The following AKAP11 variants were observed in gnomAD, a reference collection of about 807,000 sequenced individuals.
AKAP11 encodes A-kinase anchor protein 11.
In AKAP11, 36 loss-of-function variants were observed where a neutral mutation model predicts 146.1. That is an observed-to-expected ratio of 0.25 (90% CI 0.19 to 0.33). The LOEUF is 0.33. AKAP11 is among the 10% of genes least tolerant of loss of function. The pLI is 1.00. For synonymous variants in AKAP11, 780 were observed against 786.5 expected (o/e 0.99, Z 0.14); for missense variants, 2,201 against 2,197.0 (o/e 1.00, Z -0.04).
chr13:42,286,268 A>G, intron 2 of AKAP11, 32 bp from the exon 3 acceptor site: 1 of 875,946 alleles, frequency 1.1e-6, no homozygotes. Flanking sequence ...GTTAAGATCA[A>G]TAAATAAGTT....
rs1297133961 is a variant in AKAP11 at position 42,299,968 on chromosome 13, C to T, written c.1222C>T (p.Leu408Phe). Residue 408 changes from leucine to phenylalanine, a missense_variant, in exon 8 of 13, where the codon CTC becomes TTC. Coordinates refer to ENST00000025301, the MANE Select transcript of AKAP11 (RefSeq NM_016248.4). ...AAAATTCAAGTTTGATCGTCCAGCT[C>T]TCCCAGCTAATGTTAGAAAGCCAAC... ...PQKFKFDRPA[L>F]PANVRKPTPR... 6.2e-7 allele frequency: 1 copy of T among 1,613,996 alleles called. No homozygotes were observed. Among genetic ancestry groups the T allele is most frequent in the Non-Finnish European group, 8.5e-7 (1 of 1,179,876 alleles).
chr13:42,296,959 C>G, intron 5 of AKAP11, 89 bp from the exon 6 acceptor site: 6 of 1,182,048 alleles, frequency 5.1e-6, no homozygotes, highest in Non-Finnish European at 7.0e-6. Context: ...GCCAGTAGAC[C>G]TTAAAATTTT....
intron 9 of AKAP11, among the ~76,000 whole-genome samples, chr13:42,311,787 ATTTTC>A (rs1239950887): frequency 6.6e-6 from 1 of 151,548 alleles, no homozygotes; most frequent in African/African-American, 2.4e-5. Context: ...TTGTTTGTAT[ATTTTC>A]TTATTTTTAG....
chr13:42,307,301 A>G (rs1037115503), intron 8 of AKAP11, among the ~76,000 whole-genome samples: 2 of 152,210 alleles, frequency 1.3e-5, no homozygotes, highest in Admixed American at 1.3e-4. Flanking sequence ...TACGGAAGTA[A>G]GTAAAACAGG....
intron 11 of AKAP11, among the ~76,000 whole-genome samples, chr13:42,314,170 C>T (rs1176897384): frequency 2.0e-5 from 3 of 152,136 alleles, no homozygotes; most frequent in Admixed American, 6.5e-5. Flanking sequence ...ACTGGGCAGG[C>T]ACGGTGGCTT....
Position 42,303,736 on chromosome 13 carries a change from C to T in AKAP11, c.4990C>T (p.Arg1664Ter). 3 of 1,614,058 alleles carry T rather than the reference C, an allele frequency of 1.9e-6. No individual in the cohort carries two copies. The highest frequency in any genetic ancestry group is 1.7e-6 in the Non-Finnish European group (2 of 1,179,992). ...TGCTGAAGCCATTGAAAAAGCTGAG[C>T]GAGAGCTGAGCAGTACCAGCCTGGC... ...IVAEAIEKAE[R>*]ELSSTSLAAD... Residue 1664 changes from arginine to a stop codon, truncating the protein, a stop_gained, in exon 8 of 13, where the codon CGA becomes TGA. Transcript: ENST00000025301. LOFTEE classifies it high-confidence loss of function.
intron 1 of AKAP11, among the ~76,000 whole-genome samples, chr13:42,284,886 T>G (rs1158855216): frequency 6.6e-6 from 1 of 152,208 alleles, no homozygotes; most frequent in East Asian, 1.9e-4. Context: ...TGCTGCTGCT[T>G]CAATTTCAGT....
intron 1 of AKAP11, among the ~76,000 whole-genome samples, chr13:42,273,821 TACTG>T (rs1958843655): frequency 6.6e-6 from 1 of 152,206 alleles, no homozygotes. Context: ...TTTAGGAACT[TACTG>T]TCTGGAAAAG....
At chr13:42,313,519 A>G (rs117444649) in intron 10 of AKAP11, among the ~76,000 whole-genome samples, 2 of 152,216 alleles carry the variant, frequency 1.3e-5, no homozygotes, top group African/African-American at 4.8e-5. Flanking sequence ...TATTAAAAAT[A>G]TATATAAATT....
Position 42,303,409 on chromosome 13 carries a change from A to G in AKAP11, c.4663A>G (p.Thr1555Ala), listed in dbSNP as rs1349399637. The G allele has an allele frequency of 6.2e-7, 1 of 1,613,864 alleles. No homozygotes were observed. Among genetic ancestry groups the G allele is most frequent in the African/African-American group, 1.3e-5 (1 of 74,910 alleles). ...AGTAGTGGATGACACTCTAGAGCTAACTCTAGGATCTACAGTGTTCCGAGT... is the reference window on the plus strand; with the variant it reads ...AGTAGTGGATGACACTCTAGAGCTAGCTCTAGGATCTACAGTGTTCCGAGT... ...KKVVDDTLEL[T>A]LGSTVFRVSE... Residue 1555 changes from threonine to alanine, a missense_variant, in exon 8 of 13, where the codon ACT becomes GCT. Physicochemically the swap from Thr to Ala is moderately conservative, Grantham distance 58. This residue lies in a region of AKAP11 where 1,867 missense variants were observed against 1,833.5 expected (regional missense o/e 1.02). Transcript: ENST00000025301.
In AKAP11 at chr13:42,317,623, A is replaced by C; in HGVS notation, c.5500A>C (p.Ile1834Leu). 1 of 1,614,148 alleles carries C rather than the reference A, an allele frequency of 6.2e-7. No homozygotes were observed. Among genetic ancestry groups the C allele is most frequent in the East Asian group, 2.2e-5 (1 of 44,886 alleles). The part of the protein sequence containing the change: ...PQLRIILQWL[I>L]ASEAEVAELY... ...GCTAAGGATTATTCTTCAGTGGCTC[A>C]TTGCCTCTGAGGCTGAAGTTGCAGA... The change falls in exon 12 of 13, where the codon ATT (isoleucine) becomes CTT (leucine). Residue 1834 changes from isoleucine (I) to leucine (L), a missense_variant. This residue lies in a region of AKAP11 where 1,867 missense variants were observed against 1,833.5 expected (regional missense o/e 1.02). Transcript: ENST00000025301.
intron 1 of AKAP11, among the ~76,000 whole-genome samples, chr13:42,274,298 A>G (rs1402543825): frequency 6.6e-6 from 1 of 152,120 alleles, no homozygotes; most frequent in Non-Finnish European, 1.5e-5. Flanking sequence ...TGGGGAAGAG[A>G]AAGAAAAATG....
Position 42,317,127 on chromosome 13 carries a change from G to A in AKAP11, c.5405-401G>A, listed in dbSNP as rs149471127. On this transcript the variant is annotated intron_variant, in intron 11 of 12. Coordinates refer to ENST00000025301, the MANE Select transcript of AKAP11 (RefSeq NM_016248.4). ...TCTTGGCCTCAAGCGATCTGCCCACGTCGGCCTCCCAGAGTGCTGGGATTA... is the reference window on the plus strand; with the variant it reads ...TCTTGGCCTCAAGCGATCTGCCCACATCGGCCTCCCAGAGTGCTGGGATTA... 9.6e-3 allele frequency among the ~76,000 whole-genome samples: 1,463 copies of A among 152,168 alleles called. 13 individuals carry two copies. The highest frequency in any genetic ancestry group is 0.035 in the South Asian group (168 of 4,818).
Position 42,301,615 on chromosome 13 carries a change from G to T in AKAP11, c.2869G>T (p.Val957Leu). 3.1e-6 allele frequency: 5 copies of T among 1,614,080 alleles called. No individual in the cohort carries two copies. Among genetic ancestry groups the T allele is most frequent in the Non-Finnish European group, 4.2e-6 (5 of 1,179,980 alleles). The stretch of plus-strand genomic sequence containing the variant: ...ACATTCCATAGATAAGAGCAAATCA[G>T]TGATCCCAAATATAGATAAAAATGC... ...IKHSIDKSKSVIPNIDKNAVY... is the reference protein window; with the variant it reads ...IKHSIDKSKSLIPNIDKNAVY... The change falls in exon 8 of 13, where the codon GTG becomes TTG. Residue 957 changes from valine to leucine, a missense_variant. Physicochemically the swap from Val to Leu is conservative, Grantham distance 32 (BLOSUM62 1). Coordinates refer to ENST00000025301, the MANE Select transcript of AKAP11 (RefSeq NM_016248.4).
intron 1 of AKAP11, among the ~76,000 whole-genome samples, chr13:42,280,570 G>A (rs1959037336): frequency 6.6e-6 from 1 of 152,138 alleles, no homozygotes; most frequent in Non-Finnish European, 1.5e-5. Flanking sequence ...TATTAGTTCA[G>A]CAGATGTTTG....
At chr13:42,285,031 T>TTATCTGC (rs1566258362) in intron 1 of AKAP11, among the ~76,000 whole-genome samples, 1 of 152,264 alleles carries the variant, frequency 6.6e-6, no homozygotes, top group Non-Finnish European at 1.5e-5. Flanking sequence ...GCACTCACGC[T>TTATCTGC]ATAGTCTTAT....
In AKAP11 at chr13:42,302,463, A is replaced by G. The variant is rs751914523; in HGVS notation, c.3717A>G (p.Arg1239=). Reference sequence around the variant, plus strand: ...CTTGCTTAAATGTGCAAAGTCAAAGAAGTGTGTCGCCTACTTTTTTAAACC... The same window carrying G: ...CTTGCTTAAATGTGCAAAGTCAAAGGAGTGTGTCGCCTACTTTTTTAAACC... ...KNPCLNVQSQ[R]SVSPTFLNPS... is the part of the protein sequence containing the mutation. Residue 1239 remains arginine, a synonymous_variant, in exon 8 of 13, where the codon AGA becomes AGG. Coordinates refer to ENST00000025301, the MANE Select transcript of AKAP11 (RefSeq NM_016248.4). 6.2e-7 allele frequency: 1 copy of G among 1,614,190 alleles called. No homozygotes were observed. The highest frequency in any genetic ancestry group is 1.7e-5 in the Admixed American group (1 of 60,028).
intron 2 of AKAP11, 123 bp downstream of exon 2, chr13:42,286,158 A>G (rs546650281): frequency 4.9e-4 from 191 of 389,108 alleles, no homozygotes; most frequent in Non-Finnish European, 8.1e-4. Context: ...TTGCAAGTAA[A>G]TTGGGGGGGG....
At chr13:42,292,818 A>G (rs1959273782) in intron 4 of AKAP11, among the ~76,000 whole-genome samples, 2 of 152,094 alleles carry the variant, frequency 1.3e-5, no homozygotes, top group African/African-American at 4.8e-5. Context: ...TTTAATATGA[A>G]TTTTTCTACT....
Sources: gnomAD v4.1 joint callset for allele counts (sites outside exome capture counted in the v4.1 genomes callset) on GRCh38, gnomAD v4.1.1 for gene constraint, gnomAD v4.1.1 regional missense constraint, MANE v1.5 for transcripts, NCBI Gene and HGNC (gene_info 2026-07-23, HGNC 2026-07-21) for gene names.